Variants in WBP11 observed in about 807,000 individuals in gnomAD.
WBP11 encodes the protein WW domain binding protein 11.
Under a neutral mutation model 66.7 loss-of-function variants are expected in WBP11, and 12 were observed. That is an observed-to-expected ratio of 0.18 (90% CI 0.12 to 0.29). The LOEUF is 0.29. Ranked by LOEUF, WBP11 falls within the 10% of genes least tolerant of loss-of-function variation. The probability of loss-of-function intolerance (pLI) is 1.00; values close to 1 mark genes in which losing one functional copy is unlikely to be tolerated. For missense variants in WBP11, 555 were observed against 818.3 expected (o/e 0.68, Z 3.93); for synonymous variants, 255 against 273.8 (o/e 0.93, Z 0.68).
intron 2 of WBP11, 151 bp downstream of exon 2, chr12:14,801,169 A>G: frequency 1.6e-6 from 1 of 612,342 alleles, no homozygotes; most frequent in Admixed American, 3.2e-5. Context: ...GCATATTTAA[A>G]GTCTTAATGT....
In WBP11 at chr12:14,790,543, G is replaced by C; in HGVS notation, c.1222C>G (p.Pro408Ala). The change falls in exon 10 of 12, where the codon CCA (proline) becomes GCA (alanine). Residue 408 changes from proline (P) to alanine (A), a missense_variant. Physicochemically the swap from Pro to Ala is conservative, Grantham distance 27. This residue lies in a region of WBP11 where 230 missense variants were observed against 286.3 expected (regional missense o/e 0.80). Transcript: ENST00000261167. ...PPSQIQAPPMPGPPPLGPPPA... is the reference protein window; with the variant it reads ...PPSQIQAPPMAGPPPLGPPPA... ...GGTGGTCCAAGAGGTGGTGGTCCTG[G>C]CATGGGAGGTGCTTGTATCTGAGAA... is the stretch of plus-strand genomic sequence containing the variant. 1 of 1,614,020 alleles carries C rather than the reference G, an allele frequency of 6.2e-7. No homozygotes were observed. The highest frequency in any genetic ancestry group is 8.5e-7 in the Non-Finnish European group (1 of 1,179,866).
Position 14,793,816 on chromosome 12 carries a change from G to T in WBP11, c.828C>A (p.Thr276=), listed in dbSNP as rs1444041183. The T allele has an allele frequency of 1.2e-6, 2 of 1,613,680 alleles. No individual in the cohort carries two copies. Among genetic ancestry groups the T allele is most frequent in the South Asian group, 2.2e-5 (2 of 91,050 alleles). Residue 276 remains threonine, a synonymous_variant, in exon 8 of 12, where the codon ACC becomes ACA. Coordinates refer to ENST00000261167, the MANE Select transcript of WBP11 (RefSeq NM_016312.3). ...CGTCACTTTCTCCATCTGATTTGTC[G>T]GTGTCACTGTCATCAGTACTGTCAT... ...KHDDSTDDSD[T]DKSDGESDGD...
Position 14,784,889 on chromosome 12 carries a change from G to T in WBP11, c.*2176C>A, listed in dbSNP as rs780767830. On this transcript the variant is annotated 3_prime_UTR_variant, in exon 12 of 12. Transcript: ENST00000261167. ...ATCATAACAAGTGTACCCAGAATCA[G>T]AACTGCTAATTAATTCCCCTTTCCT... 1.6e-4 allele frequency: 25 copies of T among 152,122 alleles called. No homozygotes were observed. The highest frequency in any genetic ancestry group is 2.9e-4 in the Non-Finnish European group (20 of 68,036). 9.4% of individuals were successfully genotyped at this position (152,122 alleles called of 1,614,324 possible).
intron 4 of WBP11, 82 bp from the exon 5 acceptor site, chr12:14,797,085 C>A: frequency 8.4e-7 from 1 of 1,196,346 alleles, no homozygotes; most frequent in South Asian, 2.2e-5. Context: ...TAAAAACCTC[C>A]ATATATGCTA....
rs138485732 is a variant in WBP11 at position 14,791,392 on chromosome 12, TGA to T, written c.914-124_914-123del. On this transcript the variant is annotated intron_variant, in intron 8 of 11. Transcript: ENST00000261167. ...CCCACTACTTGGCAGAGGTGCAGGATGAGATAGCTATACTAATGATACGAACA... is the reference window on the plus strand; with the variant it reads ...CCCACTACTTGGCAGAGGTGCAGGATGATAGCTATACTAATGATACGAACA... The T allele has an allele frequency of 4.9e-3, 3,325 of 672,920 alleles. 85 individuals carry two copies. In the African/African-American group the frequency reaches 0.053, roughly 11 times the overall value. 41.7% of individuals were successfully genotyped at this position (672,920 alleles called of 1,614,324 possible).
At chr12:14,791,148 A>G (rs758422883) in intron 9 of WBP11, 21 bp downstream of exon 9, 5 of 1,609,682 alleles carry the variant, frequency 3.1e-6, no homozygotes, top group African/African-American at 1.3e-5. Flanking sequence ...AAGGTGATTC[A>G]CTATTTTTTC....
Position 14,786,990 on chromosome 12 carries a change from A to T in WBP11, c.*75T>A. 1 of 1,389,134 alleles carries T rather than the reference A, an allele frequency of 7.2e-7. No homozygotes were observed. Among genetic ancestry groups the T allele is most frequent in the Non-Finnish European group, 9.7e-7 (1 of 1,034,868 alleles). 86.1% of individuals were successfully genotyped at this position (1,389,134 alleles called of 1,614,324 possible). A position where few individuals can be genotyped will look rare whatever the true frequency, so the allele number is the denominator to read the frequency against. ...CCCTGACAATGGAAGCAGCTCTTTCATCTAAGTTTAATAAGAGCCTCTTTC... is the reference window on the plus strand; with the variant it reads ...CCCTGACAATGGAAGCAGCTCTTTCTTCTAAGTTTAATAAGAGCCTCTTTC... On this transcript the variant is annotated 3_prime_UTR_variant, in exon 12 of 12. Transcript: ENST00000261167.
rs1949750002 is a variant in WBP11, at chr12:14,785,982, A to T, written c.*1083T>A. ...AAGAGTTAGTCTAAATTGGTAGATGAGTTTACATTAAAGCACTTTGTAAAG... is the reference window on the plus strand; with the variant it reads ...AAGAGTTAGTCTAAATTGGTAGATGTGTTTACATTAAAGCACTTTGTAAAG... On this transcript the variant is annotated 3_prime_UTR_variant, in exon 12 of 12. Transcript: ENST00000261167. 1 of 152,250 alleles carries T rather than the reference A, an allele frequency of 6.6e-6. No individual in the cohort carries two copies. Among genetic ancestry groups the T allele is most frequent in the Non-Finnish European group, 1.5e-5 (1 of 68,042 alleles). 9.4% of individuals were successfully genotyped at this position (152,250 alleles called of 1,614,324 possible).
intron 2 of WBP11, 46 bp from the exon 3 acceptor site, chr12:14,800,829 A>T: frequency 6.7e-7 from 1 of 1,502,540 alleles, no homozygotes; most frequent in Non-Finnish European, 9.1e-7. Flanking sequence ...TGAATCTTGA[A>T]CATTAGCATT....
intron 11 of WBP11, 150 bp downstream of exon 11, chr12:14,788,801 G>GTC (rs1442341915): frequency 2.0e-5 from 9 of 453,946 alleles, no homozygotes; most frequent in Non-Finnish European, 3.5e-5. Context: ...TGGAAGAACT[G>GTC]TACTTCAAGC....
At position 14,786,588 on chromosome 12, in the gene WBP11, T is replaced by C. The variant is rs1190674397; in HGVS notation, c.*477A>G. On this transcript the variant is annotated 3_prime_UTR_variant, in exon 12 of 12. Coordinates refer to ENST00000261167, the MANE Select transcript of WBP11 (RefSeq NM_016312.3). ...TATTCTTCCCACATATCCTGCCTTGTATTAGGAAATGACATTGTGATCCAT... is the reference window on the plus strand; with the variant it reads ...TATTCTTCCCACATATCCTGCCTTGCATTAGGAAATGACATTGTGATCCAT... 1.3e-5 allele frequency: 2 copies of C among 153,948 alleles called. No homozygotes were observed. Among genetic ancestry groups the C allele is most frequent in the Non-Finnish European group, 2.9e-5 (2 of 69,126 alleles). 9.5% of individuals were successfully genotyped at this position (153,948 alleles called of 1,614,324 possible). A position where few individuals can be genotyped will look rare whatever the true frequency, so the allele number is the denominator to read the frequency against.
rs1949740566 is a variant in WBP11, at chr12:14,785,249, A to G, written c.*1816T>C. 6.6e-6 allele frequency: 1 copy of G among 152,226 alleles called. No individual in the cohort carries two copies. The highest frequency in any genetic ancestry group is 2.1e-4 in the South Asian group (1 of 4,832). 9.4% of individuals were successfully genotyped at this position (152,226 alleles called of 1,614,324 possible). On this transcript the variant is annotated 3_prime_UTR_variant, in exon 12 of 12. Coordinates refer to ENST00000261167, the MANE Select transcript of WBP11 (RefSeq NM_016312.3). ...CACATCACTGCACTGCAGCCTGGGC[A>G]ACAGAGTTAGAACCTGTCTCCATGG...
chr12:14,799,842 C>T (rs960993010), intron 3 of WBP11, 114 bp from the exon 4 acceptor site: 1 of 893,460 alleles, frequency 1.1e-6, no homozygotes, highest in African/African-American at 1.7e-5. Context: ...CTTGTTTCAA[C>T]CACCAGAAAC....
chr12:14,787,025 C>G lies in WBP11; in HGVS notation c.*40G>C. 1.3e-6 allele frequency: 2 copies of G among 1,557,050 alleles called. No individual in the cohort carries two copies. The highest frequency in any genetic ancestry group is 1.7e-6 in the Non-Finnish European group (2 of 1,143,358). On this transcript the variant is annotated 3_prime_UTR_variant, in exon 12 of 12. Coordinates refer to ENST00000261167, the MANE Select transcript of WBP11 (RefSeq NM_016312.3). ...AATAAGAGCCTCTTTCTCCATGGGC[C>G]ACTGTTGTGAACAGAAGCCTTTTCT...
Position 14,801,327 on chromosome 12 carries a change from G to A in WBP11, c.57C>T (p.Asp19=), listed in dbSNP as rs777803587. 3 of 1,612,810 alleles carry A rather than the reference G, an allele frequency of 1.9e-6. No individual in the cohort carries two copies. Among genetic ancestry groups the A allele is most frequent in the South Asian group, 2.2e-5 (2 of 91,014 alleles). The change falls in exon 2 of 12, where the codon GAC becomes GAT. Residue 19 remains aspartate (D), a synonymous_variant. Coordinates refer to ENST00000261167, the MANE Select transcript of WBP11 (RefSeq NM_016312.3). The stretch of plus-strand genomic sequence containing the variant: ...ACACTAATGGACACTTACGGGCTTG[G>A]TCTGTGGGGTTCATAAATTTTCCAC... ...TKSGKFMNPT[D]QARKEARKRE... is the part of the protein sequence containing the mutation.
At chr12:14,797,129 C>G in intron 4 of WBP11, 126 bp from the exon 5 acceptor site, 1 of 576,114 alleles carries the variant, frequency 1.7e-6, no homozygotes, top group Non-Finnish European at 2.7e-6. Flanking sequence ...ACCAGACATA[C>G]TCTTTTCAAT....
chr12:14,802,935 T>C (rs974419186), intron 1 of WBP11, among the ~76,000 whole-genome samples: 13 of 152,182 alleles, frequency 8.5e-5, no homozygotes, highest in African/African-American at 3.1e-4. Context: ...GATTAGTTTT[T>C]TGTCTACAAG....
intron 3 of WBP11, 131 bp downstream of exon 3, chr12:14,800,620 CA>C: frequency 1.2e-6 from 1 of 865,358 alleles, no homozygotes; most frequent in Non-Finnish European, 1.8e-6. Flanking sequence ...GTATATCTTA[CA>C]GTTTTTATAA....
chr12:14,797,401 C>T (rs1448117767), intron 4 of WBP11, among the ~76,000 whole-genome samples: 11 of 152,278 alleles, frequency 7.2e-5, no homozygotes, highest in South Asian at 6.2e-4. Context: ...AAAATGGAGA[C>T]GTTAATCACT....
Sources: allele counts gnomAD v4.1 joint callset (sites outside exome capture counted in the v4.1 genomes callset), GRCh38; gene constraint gnomAD v4.1.1; regional missense constraint gnomAD v4.1.1; transcripts MANE v1.5; gene names NCBI Gene and HGNC (gene_info 2026-07-23, HGNC 2026-07-21).